Variants in ZC3H8 observed in about 807,000 individuals in gnomAD.
ZC3H8 encodes the protein zinc finger CCCH domain-containing protein 8.
A neutral mutation model predicts 42.5 loss-of-function variants in ZC3H8; 27 were observed. The observed-to-expected ratio is 0.64, with a 90% CI of 0.47 to 0.88. ZC3H8 has a LOEUF of 0.88. Among genes scored for constraint, ZC3H8 ranks in the 40% least tolerant of loss-of-function variants. ZC3H8 has a pLI of 0.00. For missense variants in ZC3H8, 277 were observed against 336.1 expected, an observed-to-expected ratio of 0.82 and a Z score of 1.37; for synonymous variants, 101 against 110.1, an observed-to-expected ratio of 0.92 and a Z score of 0.52.
chr2:112,242,960 G>T (rs1042903121), intron 2 of ZC3H8, among the ~76,000 whole-genome samples: 1 of 152,164 alleles, frequency 6.6e-6, no homozygotes, highest in South Asian at 2.1e-4. Context: ...AAAGAAATCT[G>T]TCCAGAGAAA....
chr2:112,247,813 TA>T (rs1238397752), intron 2 of ZC3H8, among the ~76,000 whole-genome samples: 3 of 152,140 alleles, frequency 2.0e-5, no homozygotes, highest in Non-Finnish European at 2.9e-5. Flanking sequence ...CTGGAGGAGC[TA>T]AAAGTGGGCA....
At position 112,215,832 on chromosome 2, in the gene ZC3H8, T is replaced by G. The variant is rs999968100; in HGVS notation, c.*652A>C. On this transcript the variant is annotated 3_prime_UTR_variant, in exon 9 of 9. Transcript: ENST00000409573. ...ATGAGAAAGATAAATATTCTTATATTTTAACAACAGAAAAGTTACGAACTC... is the reference window on the plus strand; with the variant it reads ...ATGAGAAAGATAAATATTCTTATATGTTAACAACAGAAAAGTTACGAACTC... 25 of 152,172 alleles carry G rather than the reference T, an allele frequency of 1.6e-4. No individual in the cohort carries two copies. The highest frequency in any genetic ancestry group is 2.9e-5 in the Non-Finnish European group (2 of 68,034). The allele number at this position is 152,172 out of a possible 1,614,324, so 9.4% of individuals were successfully genotyped here. A position where few individuals can be genotyped will look rare whatever the true frequency, so the allele number is the denominator to read the frequency against.
intron 2 of ZC3H8, among the ~76,000 whole-genome samples, chr2:112,243,679 T>C (rs1182060861): frequency 6.6e-6 from 1 of 152,186 alleles, no homozygotes; most frequent in Non-Finnish European, 1.5e-5. Context: ...AAACTTGTTT[T>C]CTCTCCTTCA....
Position 112,233,253 on chromosome 2 carries a change from A to T in ZC3H8, c.733+7T>A. The T allele has an allele frequency of 6.6e-7, 1 of 1,516,202 alleles. No individual in the cohort carries two copies. The highest frequency in any genetic ancestry group is 8.9e-7 in the Non-Finnish European group (1 of 1,118,714). 93.9% of individuals were successfully genotyped at this position (1,516,202 alleles called of 1,614,324 possible). On this transcript the variant is annotated splice_region_variant and intron_variant, in intron 6 of 8. Transcript: ENST00000409573. ...ATAAAGTCACCATATCTTGTGATAA[A>T]GGATATTATGCAAATACAGACAGTT...
intron 8 of ZC3H8, among the ~76,000 whole-genome samples, chr2:112,217,109 C>G (rs1684360461): frequency 6.6e-6 from 1 of 152,184 alleles, no homozygotes; most frequent in African/African-American, 2.4e-5. Context: ...TGGCTCACAC[C>G]TGTAATCCCA....
At chr2:112,234,456 T>A (rs999901510) in intron 4 of ZC3H8, among the ~76,000 whole-genome samples, 1 of 152,206 alleles carries the variant, frequency 6.6e-6, no homozygotes, top group Non-Finnish European at 1.5e-5. Flanking sequence ...TTGTATTGAT[T>A]TGAATATTTT....
At chr2:112,254,726 C>G (rs1686066168) in intron 1 of ZC3H8, among the ~76,000 whole-genome samples, 182 bp downstream of exon 1, 1 of 152,224 alleles carries the variant, frequency 6.6e-6, no homozygotes, top group Admixed American at 6.5e-5. Flanking sequence ...GCTTCTGCTC[C>G]CACCCGGACC....
chr2:112,238,566 C>A, intron 2 of ZC3H8, 38 bp from the exon 3 acceptor site: 1 of 1,532,930 alleles, frequency 6.5e-7, no homozygotes, highest in Non-Finnish European at 8.8e-7. Context: ...AAAAACCTAG[C>A]ATGATTCAAA....
intron 8 of ZC3H8, among the ~76,000 whole-genome samples, chr2:112,221,595 G>A (rs1444605372): frequency 6.6e-6 from 1 of 152,090 alleles, no homozygotes; most frequent in Non-Finnish European, 1.5e-5. Flanking sequence ...GTCTGACTGA[G>A]GTATTTTGGA....
intron 2 of ZC3H8, among the ~76,000 whole-genome samples, chr2:112,241,017 G>GTGT (rs1238366867): frequency 6.6e-6 from 1 of 151,384 alleles, no homozygotes; most frequent in East Asian, 1.9e-4. Flanking sequence ...TTTTGTGTGT[G>GTGT]TGTGTGTGTG....
intron 8 of ZC3H8, chr2:112,230,680 A>C: frequency 4.6e-6 from 1 of 215,468 alleles, no homozygotes; most frequent in African/African-American, 2.3e-5. Context: ...ACAAAGAAAC[A>C]CAAGAGGAGA....
At chr2:112,223,144 A>G (rs1453388756) in intron 8 of ZC3H8, among the ~76,000 whole-genome samples, 1 of 152,132 alleles carries the variant, frequency 6.6e-6, no homozygotes, top group Non-Finnish European at 1.5e-5. Flanking sequence ...GCATTAGGAG[A>G]TATACCTAAT....
Position 112,250,197 on chromosome 2 carries a change from G to T in ZC3H8, c.150C>A (p.Pro50=). The change falls in exon 2 of 9, where the codon CCC becomes CCA. Residue 50 remains proline, a synonymous_variant. Coordinates refer to ENST00000409573, the MANE Select transcript of ZC3H8 (RefSeq NM_032494.3). ...GTGGTCAACTTAATCTTACTTTTTT[G>T]GGAATTTGCTCGCACTCCAGTTTAA... is the stretch of plus-strand genomic sequence containing the variant. ...EKIKLECEQI[P]KKFRHSAISP... 1 of 1,560,292 alleles carries T rather than the reference G, an allele frequency of 6.4e-7. No homozygotes were observed. Among genetic ancestry groups the T allele is most frequent in the Non-Finnish European group, 8.7e-7 (1 of 1,151,580 alleles).
intron 2 of ZC3H8, among the ~76,000 whole-genome samples, chr2:112,241,019 G>C (rs1309186071): frequency 1.3e-5 from 2 of 151,496 alleles, no homozygotes; most frequent in African/African-American, 4.9e-5. Flanking sequence ...TTGTGTGTGT[G>C]TGTGTGTGTG....
chr2:112,245,568 C>G (rs536265638), intron 2 of ZC3H8, among the ~76,000 whole-genome samples: 1 of 152,288 alleles, frequency 6.6e-6, no homozygotes, highest in African/African-American at 2.4e-5. Context: ...GCAGGAGAAT[C>G]GCTTGAACCC....
intron 3 of ZC3H8, among the ~76,000 whole-genome samples, 171 bp from the exon 4 acceptor site, chr2:112,236,866 G>A (rs1204381981): frequency 6.6e-6 from 1 of 152,126 alleles, no homozygotes; most frequent in African/African-American, 2.4e-5. Context: ...AAGTGTTCAA[G>A]GCCAGCCTAG....
intron 8 of ZC3H8, among the ~76,000 whole-genome samples, chr2:112,225,112 T>C (rs143722249): frequency 1.3e-5 from 2 of 152,336 alleles, no homozygotes; most frequent in African/African-American, 4.8e-5. Context: ...GAATTTACTT[T>C]TGTGTATTGA....
intron 5 of ZC3H8, among the ~76,000 whole-genome samples, 196 bp downstream of exon 5, chr2:112,233,924 C>T (rs945679139): frequency 5.3e-5 from 8 of 152,142 alleles, no homozygotes; most frequent in Admixed American, 1.3e-4. Context: ...GATCCACCCA[C>T]GTCGGCCTCC....
chr2:112,241,816 C>A (rs1330599947), intron 2 of ZC3H8, among the ~76,000 whole-genome samples: 1 of 152,178 alleles, frequency 6.6e-6, no homozygotes, highest in Non-Finnish European at 1.5e-5. Context: ...TACTCTATAG[C>A]ATTTGTTTTT....
Sources: gnomAD v4.1 joint callset for allele counts (sites outside exome capture counted in the v4.1 genomes callset) on GRCh38, gnomAD v4.1.1 for gene constraint, MANE v1.5 for transcripts, NCBI Gene and HGNC (gene_info 2026-07-23, HGNC 2026-07-21) for gene names.